The following TTC23 variants were observed in gnomAD, a reference collection of about 807,000 sequenced individuals.
TTC23 encodes the protein tetratricopeptide repeat protein 23.
TTC23 carries 58 observed loss-of-function variants against 55.1 expected under a neutral mutation model. The observed-to-expected ratio is 1.05, with a 90% CI of 0.85 to 1.31. TTC23 has a LOEUF of 1.31. Among genes scored for constraint, TTC23 ranks in the 50% most tolerant of loss-of-function variants. The probability of loss-of-function intolerance (pLI) is 0.00; values close to 1 mark genes in which losing one functional copy is unlikely to be tolerated. For missense variants in TTC23, 516 were observed against 534.4 expected, an observed-to-expected ratio of 0.97 and a Z score of 0.34; for synonymous variants, 203 against 199.9, an observed-to-expected ratio of 1.02 and a Z score of -0.13.
rs200499926 is a variant in TTC23, at chr15:99,138,119, T to C, written c.1235A>G (p.Lys412Arg). The change falls in exon 14 of 14, where the codon AAG becomes AGG. Residue 412 changes from lysine (K) to arginine (R), a missense_variant. Transcript: ENST00000394132. ...QAMGMLSTAP[K>R]VASKPRQASK... The stretch of plus-strand genomic sequence containing the variant: ...TGCCTGCCTTGGCTTCGAAGCAACC[T>C]TGGGGGCCCTGCAGACAAGCAGAGG... 1.6e-4 allele frequency: 256 copies of C among 1,612,554 alleles called. No individual in the cohort carries two copies. In the African/African-American group the frequency reaches 3.0e-3, roughly 19 times the overall value.
intron 8 of TTC23, among the ~76,000 whole-genome samples, chr15:99,206,271 C>G (rs1165928767): frequency 6.6e-6 from 1 of 151,974 alleles, no homozygotes; most frequent in African/African-American, 2.4e-5. Context: ...CCATAGTTTT[C>G]TTTTTTGATG....
intron 9 of TTC23, among the ~76,000 whole-genome samples, chr15:99,195,803 T>C (rs545433924): frequency 5.3e-5 from 8 of 150,832 alleles, no homozygotes; most frequent in African/African-American, 2.0e-4. Context: ...AGGCTATGCA[T>C]GGTGGGGGGC....
At chr15:99,213,334 A>ATATTAACT (rs1416747993) in intron 8 of TTC23, among the ~76,000 whole-genome samples, 10 of 152,348 alleles carry the variant, frequency 6.6e-5, no homozygotes, top group Non-Finnish European at 1.3e-4. Context: ...ATAGTCTGGA[A>ATATTAACT]TATTAACTTA....
At chr15:99,202,604 C>T (rs1465333357) in intron 8 of TTC23, among the ~76,000 whole-genome samples, 2 of 152,200 alleles carry the variant, frequency 1.3e-5, no homozygotes, top group Admixed American at 6.5e-5. Context: ...GTGAAGACCA[C>T]GGAAAACTTG....
At chr15:99,139,680 G>A (rs1211790081) in intron 12 of TTC23, 3 of 1,395,344 alleles carry the variant, frequency 2.2e-6, no homozygotes, top group Non-Finnish European at 2.9e-6. Context: ...ATAAAGGCAA[G>A]AACCTTGGTA....
At chr15:99,168,876 TG>T (rs981096013) in intron 10 of TTC23, among the ~76,000 whole-genome samples, 3 of 152,062 alleles carry the variant, frequency 2.0e-5, no homozygotes, top group African/African-American at 7.2e-5. Context: ...GGGGTGGGGA[TG>T]GGACAACTCC....
chr15:99,211,020 C>T (rs2076994792), intron 8 of TTC23, among the ~76,000 whole-genome samples: 1 of 152,120 alleles, frequency 6.6e-6, no homozygotes, highest in African/African-American at 2.4e-5. Flanking sequence ...CTTTCCAAAC[C>T]TCACAACTTC....
At chr15:99,183,581 C>T (rs2074377086) in intron 9 of TTC23, among the ~76,000 whole-genome samples, 1 of 150,640 alleles carries the variant, frequency 6.6e-6, no homozygotes, top group South Asian at 2.1e-4. Flanking sequence ...CCTTGTGATC[C>T]ACCTGCCTCG....
At chr15:99,182,143 T>C (rs76062334) in intron 9 of TTC23, among the ~76,000 whole-genome samples, 14,113 of 151,514 alleles carry the variant, frequency 0.093, 1,020 homozygotes, top group East Asian at 0.3. Flanking sequence ...AAATACTCCT[T>C]CCCCCTTCTA....
At position 99,139,357 on chromosome 15, in the gene TTC23, T is replaced by G. The variant is rs1282226414; in HGVS notation, c.1186A>C (p.Arg396=). Residue 396 remains arginine, a synonymous_variant, in exon 13 of 14, where the codon AGG becomes CGG. Coordinates refer to ENST00000394132, the MANE Select transcript of TTC23 (RefSeq NM_001288615.3). The part of the protein sequence containing the change: ...QTLLYGPQDK[R]TLATQQAMGM... The stretch of plus-strand genomic sequence containing the variant: ...ATGGCCTGCTGGGTGGCCAGAGTCC[T>G]TTTGTCCTGCGGTCCATATAAGAGG... 1.2e-6 allele frequency: 2 copies of G among 1,613,680 alleles called. No individual in the cohort carries two copies. The highest frequency in any genetic ancestry group is 2.7e-5 in the African/African-American group (2 of 74,908).
Position 99,156,251 on chromosome 15 carries a change from G to C in TTC23, c.1040C>G (p.Ala347Gly), listed in dbSNP as rs759387845. ...LRESLEAKVE[A>G]FGDFSPEVAE... ...CACCTCGGGACTGAAATCGCCAAATGCTTCCACTTTGGCTTCCAGGGACTC... is the reference window on the plus strand; with the variant it reads ...CACCTCGGGACTGAAATCGCCAAATCCTTCCACTTTGGCTTCCAGGGACTC... The change falls in exon 12 of 14, where the codon GCA (alanine) becomes GGA (glycine). Residue 347 changes from alanine (A) to glycine (G), a missense_variant. Transcript: ENST00000394132. 1 of 1,614,252 alleles carries C rather than the reference G, an allele frequency of 6.2e-7. No homozygotes were observed. The highest frequency in any genetic ancestry group is 1.1e-5 in the South Asian group (1 of 91,090).
chr15:99,165,559 T>G (rs1404999112), intron 10 of TTC23, among the ~76,000 whole-genome samples: 1 of 152,224 alleles, frequency 6.6e-6, no homozygotes, highest in Non-Finnish European at 1.5e-5. Context: ...CAGCTGGCCC[T>G]GGGGTCTGCA....
intron 10 of TTC23, among the ~76,000 whole-genome samples, chr15:99,170,732 G>A (rs2072807449): frequency 6.6e-6 from 1 of 152,208 alleles, no homozygotes; most frequent in South Asian, 2.1e-4. Flanking sequence ...TTCCTGCTGT[G>A]GGGGCATTGG....
At chr15:99,160,223 G>A (rs2071169757) in intron 11 of TTC23, 1 of 152,042 alleles carries the variant, frequency 6.6e-6, no homozygotes, top group South Asian at 2.1e-4. Flanking sequence ...CAGAAGGCGG[G>A]GGTGGAGGGG....
chr15:99,219,870 C>G lies in TTC23; in HGVS notation c.305-822G>C, dbSNP rs143876336. Among the ~76,000 whole-genome samples the G allele has an allele frequency of 7.7e-3, 1,175 of 152,210 alleles. 13 individuals are homozygous for G. Among genetic ancestry groups the G allele is most frequent in the African/African-American group, 0.027 (1,141 of 41,526 alleles). ...ATCTTAGATCTCTAAAAAAATCTGT[C>G]AAAATATGAAGTTAATTCTGTTCCT... On this transcript the variant is annotated intron_variant, in intron 6 of 13. Transcript: ENST00000394132.
At chr15:99,208,125 G>A (rs370547062) in intron 8 of TTC23, among the ~76,000 whole-genome samples, 21 of 152,184 alleles carry the variant, frequency 1.4e-4, no homozygotes, top group African/African-American at 4.8e-4. Flanking sequence ...CCATATGGAG[G>A]TCTAAAATGA....
Position 99,156,232 on chromosome 15 carries a change from G to A in TTC23, c.1059C>T (p.Pro353=), listed in dbSNP as rs773024985. ...AKVEAFGDFS[P]EVAETYRLLG... ...GGAGCCGGTATGTCTCTGCCACCTC[G>A]GGACTGAAATCGCCAAATGCTTCCA... The change falls in exon 12 of 14, where the codon CCC becomes CCT. Residue 353 remains proline, a synonymous_variant. Transcript: ENST00000394132. 9.9e-6 allele frequency: 16 copies of A among 1,614,082 alleles called. No homozygotes were observed. The highest frequency in any genetic ancestry group is 4.5e-5 in the East Asian group (2 of 44,898).
chr15:99,172,631 G>A (rs2151925300), intron 10 of TTC23, among the ~76,000 whole-genome samples: 2 of 152,306 alleles, frequency 1.3e-5, no homozygotes, highest in Middle Eastern at 6.8e-3. Flanking sequence ...ATCTCTGGGT[G>A]CCTCAACTTC....
chr15:99,139,804 TAATA>T lies in TTC23; in HGVS notation c.1144-409_1144-406del, dbSNP rs1452978825. On this transcript the variant is annotated intron_variant, in intron 12 of 13. Coordinates refer to ENST00000394132, the MANE Select transcript of TTC23 (RefSeq NM_001288615.3). Reference sequence around the variant, plus strand: ...TTGTAAACACATACTCTACTTTTATTAATATATAGGCTGTCTATACTCTTGACTA... The same window carrying T: ...TTGTAAACACATACTCTACTTTTATTTATAGGCTGTCTATACTCTTGACTA... 3.2e-5 allele frequency: 39 copies of T among 1,217,428 alleles called. No homozygotes were observed. In the African/African-American group the frequency reaches 5.9e-4, roughly 18 times the overall value. 75.4% of individuals were successfully genotyped at this position (1,217,428 alleles called of 1,614,324 possible).
Sources: allele counts gnomAD v4.1 joint callset (sites outside exome capture counted in the v4.1 genomes callset), GRCh38; gene constraint gnomAD v4.1.1; transcripts MANE v1.5; gene names NCBI Gene and HGNC (gene_info 2026-07-23, HGNC 2026-07-21).